DOCK3: variants seen among roughly 807,000 people sequenced by gnomAD.
DOCK3 encodes the protein dedicator of cytokinesis protein 3.
A neutral mutation model predicts 265.6 loss-of-function variants in DOCK3; 60 were observed. The observed-to-expected ratio is 0.23, with a 90% CI of 0.18 to 0.28. The LOEUF is 0.28. Among genes scored for constraint, DOCK3 ranks in the 10% least tolerant of loss-of-function variants. DOCK3 has a pLI of 1.00. For synonymous variants in DOCK3, 881 were observed against 938.0 expected, an observed-to-expected ratio of 0.94 and a Z score of 1.11; for missense variants, 1,981 against 2,594.3, an observed-to-expected ratio of 0.76 and a Z score of 5.14.
intron 12 of DOCK3, among the ~76,000 whole-genome samples, chr3:51,197,122 T>A (rs1462878463): frequency 6.6e-6 from 1 of 152,222 alleles, no homozygotes; most frequent in Non-Finnish European, 1.5e-5. Context: ...TTTCTTTGGC[T>A]GTAAACAGCA....
At chr3:51,041,950 C>T (rs1261834382) in intron 5 of DOCK3, among the ~76,000 whole-genome samples, 1 of 152,002 alleles carries the variant, frequency 6.6e-6, no homozygotes, top group Non-Finnish European at 1.5e-5. Flanking sequence ...GCACTGACTT[C>T]TCCCTAGCCA....
At chr3:50,819,095 T>C (rs2044257554) in intron 2 of DOCK3, among the ~76,000 whole-genome samples, 1 of 152,204 alleles carries the variant, frequency 6.6e-6, no homozygotes, top group Middle Eastern at 3.2e-3. Context: ...TGGTTTTTTC[T>C]CCGTATAGCT....
At position 51,250,475 on chromosome 3, in the gene DOCK3, C is replaced by T. The variant is rs565067817; in HGVS notation, c.2184+3668C>T. On this transcript the variant is annotated intron_variant, in intron 22 of 52. Coordinates refer to ENST00000266037, the MANE Select transcript of DOCK3 (RefSeq NM_004947.5). ...CTCTACTGAAAATACATAAATTAAC[C>T]GGGCATGGTGGCATGCACCTGTAAT... Among the ~76,000 whole-genome samples the T allele has an allele frequency of 9.7e-4, 148 of 152,024 alleles. 1 individual carries two copies. The South Asian group carries it at 0.016, about 16-fold the overall frequency.
chr3:51,205,852 C>A (rs913661169), intron 12 of DOCK3, among the ~76,000 whole-genome samples: 1 of 152,190 alleles, frequency 6.6e-6, no homozygotes, highest in Non-Finnish European at 1.5e-5. Context: ...TTCTGCAAAG[C>A]TAAATGTTTT....
intron 4 of DOCK3, among the ~76,000 whole-genome samples, chr3:50,896,166 A>G (rs2048885347): frequency 6.6e-6 from 1 of 151,584 alleles, no homozygotes; most frequent in African/African-American, 2.4e-5. Context: ...ATTTCTCCAC[A>G]TCCTCTCCAG....
chr3:50,893,471 AT>A (rs1450504924), intron 4 of DOCK3, among the ~76,000 whole-genome samples: 3 of 152,114 alleles, frequency 2.0e-5, no homozygotes, highest in African/African-American at 7.2e-5. Context: ...GAAGAATACA[AT>A]AAGTAATATG....
At chr3:51,371,444 G>A (rs766523589) in intron 49 of DOCK3, among the ~76,000 whole-genome samples, 2 of 152,218 alleles carry the variant, frequency 1.3e-5, no homozygotes, top group Non-Finnish European at 2.9e-5. Flanking sequence ...GAAAGGTGCA[G>A]GTCCTACATC....
At chr3:50,908,127 G>A (rs2049635186) in intron 4 of DOCK3, among the ~76,000 whole-genome samples, 1 of 149,360 alleles carries the variant, frequency 6.7e-6, no homozygotes. Flanking sequence ...TGTGTAGCTA[G>A]CGGTCTATTT....
In DOCK3 at chr3:51,110,830, G is replaced by C. The variant is rs191120606; in HGVS notation, c.746+20446G>C. Among the ~76,000 whole-genome samples the C allele has an allele frequency of 3.4e-5, 5 of 148,670 alleles. No individual in the cohort carries two copies. The East Asian group carries it at 7.7e-4, about 23-fold the overall frequency. On this transcript the variant is annotated intron_variant, in intron 9 of 52. Coordinates refer to ENST00000266037, the MANE Select transcript of DOCK3 (RefSeq NM_004947.5). Reference sequence around the variant, plus strand: ...GAACAGATTGTTGGAAACCTGACCAGAGCAATTAGGGAGAACAAAGAATTA... The same window carrying C: ...GAACAGATTGTTGGAAACCTGACCACAGCAATTAGGGAGAACAAAGAATTA...
Position 51,312,098 on chromosome 3 carries a change from T to C in DOCK3, c.3093+19T>C, listed in dbSNP as rs767946909. ...CTTTAAGGTAGGCACTCCTGAAATA[T>C]CCATCACTATTATTGCAATAACCTT... On this transcript the variant is annotated intron_variant, in intron 29 of 52. Coordinates refer to ENST00000266037, the MANE Select transcript of DOCK3 (RefSeq NM_004947.5). 2 of 1,581,014 alleles carry C rather than the reference T, an allele frequency of 1.3e-6. No homozygotes were observed. Among genetic ancestry groups the C allele is most frequent in the African/African-American group, 1.3e-5 (1 of 74,342 alleles).
chr3:50,740,055 G>A (rs749921635), intron 1 of DOCK3, among the ~76,000 whole-genome samples: 22 of 151,754 alleles, frequency 1.4e-4, no homozygotes, highest in Admixed American at 7.2e-4. Context: ...CTACTTACCT[G>A]CTCTCTGTCA....
rs1332918880 is a variant in DOCK3 at position 51,331,207 on chromosome 3, A to C, written c.3488+984A>C. On this transcript the variant is annotated intron_variant, in intron 33 of 52. Coordinates refer to ENST00000266037, the MANE Select transcript of DOCK3 (RefSeq NM_004947.5). ...AGGGCCCAGATCTTCTAATTTAAAA[A>C]GGGGGGAGTCTCCCCTATACTATGC... is the stretch of plus-strand genomic sequence containing the variant. Among the ~76,000 whole-genome samples, 4 of 152,222 alleles carry C rather than the reference A, an allele frequency of 2.6e-5. No individual in the cohort carries two copies. In the East Asian group the frequency reaches 7.7e-4, roughly 29 times the overall value.
At chr3:50,975,059 C>T (rs2077388802) in intron 5 of DOCK3, among the ~76,000 whole-genome samples, 1 of 151,664 alleles carries the variant, frequency 6.6e-6, no homozygotes, top group African/African-American at 2.4e-5. Flanking sequence ...GTGGGATTTT[C>T]TAGATATACA....
chr3:50,886,706 T>G (rs2048359824), intron 3 of DOCK3, among the ~76,000 whole-genome samples: 1 of 151,918 alleles, frequency 6.6e-6, no homozygotes, highest in African/African-American at 2.4e-5. Flanking sequence ...AATGATGATT[T>G]CCAATTTCAT....
At chr3:51,306,999 T>C (rs6445611) in intron 27 of DOCK3, among the ~76,000 whole-genome samples, 121,507 of 152,148 alleles carry the variant, frequency 0.8, 49,304 homozygotes, top group Middle Eastern at 0.89. Context: ...TTTTAATTAA[T>C]TTGGCAACTC....
At chr3:50,920,110 T>G (rs2050358026) in intron 4 of DOCK3, among the ~76,000 whole-genome samples, 1 of 152,270 alleles carries the variant, frequency 6.6e-6, no homozygotes, top group Non-Finnish European at 1.5e-5. Context: ...ACTTGATCAT[T>G]GTGGATAAGC....
intron 3 of DOCK3, among the ~76,000 whole-genome samples, chr3:50,844,617 G>T (rs2045994575): frequency 6.6e-6 from 1 of 152,034 alleles, no homozygotes; most frequent in African/African-American, 2.4e-5. Context: ...GTATTATTTT[G>T]TAGTAAAACA....
At chr3:51,262,859 A>G (rs1259368920) in intron 23 of DOCK3, among the ~76,000 whole-genome samples, 2 of 152,210 alleles carry the variant, frequency 1.3e-5, no homozygotes, top group Non-Finnish European at 2.9e-5. Flanking sequence ...TCGTGAAGAC[A>G]AGATTAGAGA....
At chr3:50,875,002 T>C (rs912816990) in intron 3 of DOCK3, among the ~76,000 whole-genome samples, 4 of 151,446 alleles carry the variant, frequency 2.6e-5, no homozygotes, top group Admixed American at 6.6e-5. Context: ...TAAGTGGGAG[T>C]TGAACAATGA....
Sources: allele counts gnomAD v4.1 joint callset (sites outside exome capture counted in the v4.1 genomes callset), GRCh38; gene constraint gnomAD v4.1.1; transcripts MANE v1.5; gene names NCBI Gene and HGNC (gene_info 2026-07-23, HGNC 2026-07-21).